RBPJ: variants seen among roughly 807,000 people sequenced by gnomAD.
The protein encoded by RBPJ is recombination signal binding protein for immunoglobulin kappa J region, also known as recombining binding protein suppressor of hairless.
RBPJ carries 9 observed loss-of-function variants against 67.8 expected under a neutral mutation model. The ratio of observed to expected loss-of-function variants is 0.13; its 90% CI spans 0.08 to 0.23. The LOEUF is 0.23. Among genes scored for constraint, RBPJ ranks in the 10% least tolerant of loss-of-function variants. RBPJ has a pLI of 1.00. For synonymous variants in RBPJ, 198 were observed against 203.3 expected (o/e 0.97, Z 0.22); for missense variants, 305 against 595.6 (o/e 0.51, Z 5.08).
At chr4:26,396,564 G>A (rs1732141388) in intron 2 of RBPJ, among the ~76,000 whole-genome samples, 2 of 152,184 alleles carry the variant, frequency 1.3e-5, no homozygotes, top group Admixed American at 1.3e-4. Context: ...GTAGCAAAAT[G>A]GCTTATTTGT....
chr4:26,368,901 A>G (rs1457999930), intron 1 of RBPJ, among the ~76,000 whole-genome samples: 1 of 152,246 alleles, frequency 6.6e-6, no homozygotes, highest in Non-Finnish European at 1.5e-5. Context: ...TGCAAGCAGA[A>G]CACACTGAAA....
At chr4:26,159,516 T>C (rs1716038977), upstream of RBPJ, among the ~76,000 whole-genome samples, 1 of 152,230 alleles carries the variant, frequency 6.6e-6, no homozygotes, top group African/African-American at 2.4e-5. Context: ...GTTAGGACTA[T>C]CTCTGTGAGA....
At chr4:26,152,522 T>C in the RBPJ span, among the ~76,000 whole-genome samples, 1 of 152,264 alleles carries the variant, frequency 6.6e-6, no homozygotes, top group South Asian at 2.1e-4. Flanking sequence ...CAGCATTTAA[T>C]AAGTGCTTAC....
chr4:26,142,087 G>A, the RBPJ span, among the ~76,000 whole-genome samples: 2 of 152,248 alleles, frequency 1.3e-5, no homozygotes, highest in East Asian at 3.8e-4. Context: ...TCTTAGAAGG[G>A]AAACTTCCCC....
At chr4:26,272,987 A>T (rs933769607) in intron 1 of RBPJ, among the ~76,000 whole-genome samples, 11 of 152,130 alleles carry the variant, frequency 7.2e-5, no homozygotes, top group Non-Finnish European at 1.5e-4. Context: ...CTTTTTTTTC[A>T]TGAAGACTGT....
chr4:26,386,321 T>A lies in RBPJ; in HGVS notation c.21-32T>A, dbSNP rs537720063. The A allele has an allele frequency of 2.0e-6, 3 of 1,530,420 alleles. No homozygotes were observed. In the South Asian group the frequency reaches 3.5e-5, roughly 18 times the overall value. 94.8% of individuals were successfully genotyped at this position (1,530,420 alleles called of 1,614,324 possible). A position where few individuals can be genotyped will look rare whatever the true frequency, so the allele number is the denominator to read the frequency against. On this transcript the variant is annotated intron_variant, in intron 1 of 10. Coordinates refer to ENST00000355476, the MANE Select transcript of RBPJ (RefSeq NM_015874.6). ...TGTAGAGTGTATCATAAAGCTTACT[T>A]AACTTTATTTTCTTTATTTTTTTTT...
chr4:26,316,928 T>C (rs1195609296), upstream of RBPJ, among the ~76,000 whole-genome samples: 6 of 144,644 alleles, frequency 4.1e-5, no homozygotes, highest in Middle Eastern at 3.7e-3. Context: ...TCACTGCTAG[T>C]CTAGTCCTAA....
chr4:26,295,173 C>T (rs1721823543), intron 1 of RBPJ, among the ~76,000 whole-genome samples: 1 of 152,002 alleles, frequency 6.6e-6, no homozygotes, highest in East Asian at 1.9e-4. Flanking sequence ...GCTTACATTT[C>T]CTCCAATGAG....
chr4:26,375,835 A>G (rs1729670695), intron 1 of RBPJ, among the ~76,000 whole-genome samples: 1 of 152,116 alleles, frequency 6.6e-6, no homozygotes, highest in African/African-American at 2.4e-5. Flanking sequence ...CGCCCTTCCT[A>G]GGGAGGCGTG....
chr4:26,288,349 G>A (rs1052699949), intron 1 of RBPJ, among the ~76,000 whole-genome samples: 2 of 152,208 alleles, frequency 1.3e-5, no homozygotes, highest in Non-Finnish European at 2.9e-5. Flanking sequence ...CGCTCTCATG[G>A]CCGATGGCAG....
chr4:26,393,518 G>A (rs1434028559), intron 2 of RBPJ, among the ~76,000 whole-genome samples: 1 of 152,070 alleles, frequency 6.6e-6, no homozygotes, highest in Non-Finnish European at 1.5e-5. Flanking sequence ...GGGACTACAG[G>A]TGCACACAAC....
At chr4:26,270,701 T>C (rs1194817043) in intron 1 of RBPJ, among the ~76,000 whole-genome samples, 1 of 151,218 alleles carries the variant, frequency 6.6e-6, no homozygotes, top group Non-Finnish European at 1.5e-5. Flanking sequence ...CCAGTTAGCA[T>C]GGAGGGTTTT....
the RBPJ span, among the ~76,000 whole-genome samples, chr4:26,121,287 C>G: frequency 7.2e-5 from 11 of 152,220 alleles, no homozygotes; most frequent in South Asian, 2.3e-3. Context: ...AAAATTATCT[C>G]TATTCAAGTG....
intron 2 of RBPJ, among the ~76,000 whole-genome samples, chr4:26,389,080 T>G (rs1177089244): frequency 6.6e-6 from 1 of 151,468 alleles, no homozygotes; most frequent in African/African-American, 2.4e-5. Flanking sequence ...AAAAAAAAAG[T>G]TAGCCAGGAG....
the RBPJ span, among the ~76,000 whole-genome samples, chr4:26,140,552 C>T: frequency 6.6e-6 from 1 of 152,040 alleles, no homozygotes; most frequent in African/African-American, 2.4e-5. Context: ...GGGCTACATC[C>T]TTCCTCCCTG....
the RBPJ span, among the ~76,000 whole-genome samples, chr4:26,156,414 C>CTTTTTTTTTTTTTTTTT: frequency 1.1e-5 from 1 of 93,560 alleles, no homozygotes; most frequent in Admixed American, 1.4e-4. Flanking sequence ...TCTTTTCTTT[C>CTTTTTTTTTTTTTTTTT]TTTTTTTTTT....
intron 1 of RBPJ, among the ~76,000 whole-genome samples, chr4:26,183,815 A>G (rs1468112371): frequency 2.6e-5 from 4 of 152,144 alleles, no homozygotes; most frequent in African/African-American, 9.7e-5. Context: ...GTTTGAGACC[A>G]GCCTGGCCAA....
At chr4:26,216,197 A>G (rs953869975) in intron 1 of RBPJ, among the ~76,000 whole-genome samples, 3 of 152,110 alleles carry the variant, frequency 2.0e-5, no homozygotes, top group Non-Finnish European at 4.4e-5. Flanking sequence ...GCTCACCTGG[A>G]TAATCTAAGA....
At chr4:26,310,125 G>A (rs1295409231) in intron 1 of RBPJ, among the ~76,000 whole-genome samples, 1 of 152,124 alleles carries the variant, frequency 6.6e-6, no homozygotes, top group Non-Finnish European at 1.5e-5. Context: ...AAACACAATT[G>A]GACAGAAAAC....
Sources: gnomAD v4.1 joint callset for allele counts (sites outside exome capture counted in the v4.1 genomes callset) on GRCh38, gnomAD v4.1.1 for gene constraint, MANE v1.5 for transcripts, NCBI Gene and HGNC (gene_info 2026-07-23, HGNC 2026-07-21) for gene names.